KRT8: variants seen among roughly 807,000 people sequenced by gnomAD.
KRT8 encodes the protein keratin, type II cytoskeletal 8.
Under a neutral mutation model 43.0 loss-of-function variants are expected in KRT8, and 24 were observed. The observed-to-expected ratio is 0.56, with a 90% confidence interval of 0.40 to 0.78. The LOEUF is 0.78. Ranked by LOEUF, KRT8 falls within the 30% of genes least tolerant of loss-of-function variation. The pLI is 0.00. For synonymous variants in KRT8, 214 were observed against 261.2 expected (o/e 0.82, Z 1.74); for missense variants, 492 against 638.4 (o/e 0.77, Z 2.47).
chr12:52,909,550 A>T (rs1001666537), upstream of KRT8, among the ~76,000 whole-genome samples: 3 of 152,176 alleles, frequency 2.0e-5, no homozygotes, highest in Admixed American at 6.5e-5. Context: ...TTTGCTCTTG[A>T]TCAGTGATGG....
At chr12:52,921,168 T>C (rs1019595347) in intron 2 of KRT8, among the ~76,000 whole-genome samples, 3 of 152,176 alleles carry the variant, frequency 2.0e-5, no homozygotes, top group Admixed American at 6.5e-5. Flanking sequence ...CACAACTAAT[T>C]GTGTGTTTAT....
chr12:52,915,305 C>T (rs921042672), intron 2 of KRT8, among the ~76,000 whole-genome samples: 4 of 150,158 alleles, frequency 2.7e-5, no homozygotes, highest in East Asian at 2.0e-4. Context: ...CCCCAGGGGA[C>T]GGAGCCTGCA....
At chr12:52,899,809 C>T (rs1161284756) in exon 5 of KRT8, 13 of 1,611,922 alleles carry the variant, frequency 8.1e-6, no homozygotes, top group East Asian at 4.5e-5. Context: ...AGCCTGGAGC[C>T]GGCTGATGTT....
chr12:52,948,513 T>C (rs1023838059), intron 2 of KRT8: 3 of 167,310 alleles, frequency 1.8e-5, no homozygotes, highest in African/African-American at 8.0e-5. Context: ...TTTTTTTTTT[T>C]TTGAGACAGA....
At chr12:52,926,533 A>C (rs1941996151) in intron 2 of KRT8, 1 of 1,356,506 alleles carries the variant, frequency 7.4e-7, no homozygotes, top group African/African-American at 1.4e-5. Context: ...GGAAGTGGCC[A>C]CTCCTATAGA....
intron 2 of KRT8, among the ~76,000 whole-genome samples, chr12:52,921,961 T>C (rs923927274): frequency 6.6e-6 from 1 of 151,626 alleles, no homozygotes. Context: ...AGGCTAGGAA[T>C]TCAAGACCAG....
intron 2 of KRT8, among the ~76,000 whole-genome samples, chr12:52,930,581 G>A (rs530300055): frequency 1.3e-5 from 2 of 150,818 alleles, no homozygotes; most frequent in South Asian, 4.2e-4. Flanking sequence ...CTTTTTTTGA[G>A]ACAAAGTCTT....
intron 2 of KRT8, among the ~76,000 whole-genome samples, chr12:52,934,474 C>A (rs760209775): frequency 2.6e-5 from 4 of 151,880 alleles, no homozygotes; most frequent in Non-Finnish European, 4.4e-5. Flanking sequence ...GCAGGAAAAT[C>A]GCTTGAACCC....
intron 2 of KRT8, 151 bp from the exon 3 acceptor site, chr12:52,901,370 G>A: frequency 4.3e-6 from 3 of 701,856 alleles, no homozygotes; most frequent in East Asian, 2.7e-5. Flanking sequence ...TTCCCCAGCT[G>A]CCCTCTCCAC....
upstream of KRT8, among the ~76,000 whole-genome samples, chr12:52,908,087 C>G (rs1941560341): frequency 1.3e-5 from 2 of 152,220 alleles, no homozygotes; most frequent in South Asian, 4.1e-4. Flanking sequence ...GAGGGCCAGG[C>G]CCCCTACTTC....
chr12:52,949,693 A>G, intron 1 of KRT8: 1 of 1,042,478 alleles, frequency 9.6e-7, no homozygotes, highest in Non-Finnish European at 1.5e-6. Flanking sequence ...CCCCTACTCC[A>G]CCGGGAGGGG....
intron 2 of KRT8, among the ~76,000 whole-genome samples, chr12:52,938,170 A>ATTTTTTTTTT (rs780140219): frequency 3.6e-4 from 11 of 30,300 alleles, no homozygotes; most frequent in Non-Finnish European, 6.5e-4. Flanking sequence ...ATATATATAT[A>ATTTTTTTTTT]TTTTTTTTTT....
At position 52,898,348 on chromosome 12, in the gene KRT8, ATGAGTGCTCAGGC is replaced by A. The variant is rs1040110047; in HGVS notation, c.1261+100_1261+112del. ...CCCACCCTAGGATTCTCCCAAGAAC[ATGAGTGCTCAGGC>A]TGAGGTCACTGTGAGCGACTGAGCA... is the stretch of plus-strand genomic sequence containing the variant. On this transcript the variant is annotated intron_variant, in intron 7 of 7. Coordinates refer to ENST00000692008, the Ensembl canonical transcript of KRT8. 4.7e-6 allele frequency: 4 copies of A among 859,910 alleles called. No individual in the cohort carries two copies. In the African/African-American group the frequency reaches 6.7e-5, roughly 14 times the overall value. The allele number at this position is 859,910 out of a possible 1,614,324, so 53.3% of individuals were successfully genotyped here.
intron 1 of KRT8, chr12:52,949,693 A>C: frequency 2.9e-6 from 3 of 1,042,464 alleles, no homozygotes; most frequent in Non-Finnish European, 4.4e-6. Flanking sequence ...CCCCTACTCC[A>C]CCGGGAGGGG....
chr12:52,899,910 G>A (rs1303364335), exon 5 of KRT8: 8 of 1,613,040 alleles, frequency 5.0e-6, no homozygotes, highest in East Asian at 4.5e-5. Flanking sequence ...ACTTGATCTG[G>A]TACATGCTCT....
At chr12:52,902,910 G>A (rs1033329698) in intron 1 of KRT8, among the ~76,000 whole-genome samples, 19 of 152,072 alleles carry the variant, frequency 1.2e-4, no homozygotes, top group South Asian at 4.1e-4. Context: ...TACTCGGGAG[G>A]CTGAGGCAGG....
chr12:52,928,064 CA>C lies in KRT8; in HGVS notation c.-47+21391del, dbSNP rs1312403056. Among the ~76,000 whole-genome samples the C allele has an allele frequency of 7.9e-5, 12 of 152,054 alleles. 1 individual carries two copies. Among genetic ancestry groups the C allele is most frequent in the Admixed American group, 7.9e-4 (12 of 15,268 alleles). On this transcript the variant is annotated intron_variant, in intron 2 of 6. Transcript: ENST00000546826. ...CAAAAGCAAGACTCTGTCTCAAAAACAAAAACAAAAACAGGGAGCGCTCTTG... is the reference window on the plus strand; with the variant it reads ...CAAAAGCAAGACTCTGTCTCAAAAACAAAACAAAAACAGGGAGCGCTCTTG...
At chr12:52,935,910 C>T (rs1942162472) in intron 2 of KRT8, among the ~76,000 whole-genome samples, 1 of 152,158 alleles carries the variant, frequency 6.6e-6, no homozygotes, top group Non-Finnish European at 1.5e-5. Flanking sequence ...TTGCAAAACA[C>T]ATTAACTCAA....
upstream of KRT8, among the ~76,000 whole-genome samples, chr12:52,910,147 A>G (rs575858127): frequency 7.2e-5 from 11 of 152,318 alleles, no homozygotes; most frequent in Non-Finnish European, 1.5e-4. Context: ...CTGGGTGAGC[A>G]TGAAGCCTAG....
Sources: gnomAD v4.1 joint callset for allele counts (sites outside exome capture counted in the v4.1 genomes callset) on GRCh38, gnomAD v4.1.1 for gene constraint, MANE v1.5 for transcripts, NCBI Gene and HGNC (gene_info 2026-07-23, HGNC 2026-07-21) for gene names.